The following CLNK variants were observed in gnomAD, a reference collection of about 807,000 sequenced individuals.
The protein encoded by CLNK is cytokine-dependent hematopoietic cell linker.
Under a neutral mutation model 68.6 loss-of-function variants are expected in CLNK, and 74 were observed. The observed-to-expected ratio is 1.08, with a 90% CI of 0.89 to 1.31. CLNK has a LOEUF of 1.31. Ranked by LOEUF, CLNK falls within the 50% of genes most tolerant of loss-of-function variation. The probability of loss-of-function intolerance (pLI) is 0.00; values close to 1 mark genes in which losing one functional copy is unlikely to be tolerated. For synonymous variants in CLNK, 198 were observed against 172.2 expected (o/e 1.15, Z -1.17); for missense variants, 553 against 515.3 (o/e 1.07, Z -0.71).
intron 15 of CLNK, among the ~76,000 whole-genome samples, chr4:10,515,478 T>A (rs1436937257): frequency 6.6e-6 from 1 of 152,084 alleles, no homozygotes; most frequent in Non-Finnish European, 1.5e-5. Context: ...AAAGAATAAC[T>A]TCAAAAAATG....
the CLNK span, among the ~76,000 whole-genome samples, chr4:10,699,252 CGT>C: frequency 1.7e-5 from 1 of 59,952 alleles, no homozygotes; most frequent in Non-Finnish European, 3.6e-5. Context: ...ATACACACCA[CGT>C]ATGTGTGTAT....
Position 10,664,999 on chromosome 4 carries a change from T to C in CLNK, c.11+2860A>G, listed in dbSNP as rs953719425. ...CACAAGAGGAAAGAGTGAAGAAGAG[T>C]TTGGGACTAGGGGAGGAAAAGGATG... On this transcript the variant is annotated intron_variant, in intron 2 of 18. Transcript: ENST00000226951. Among the ~76,000 whole-genome samples, 7 of 151,748 alleles carry C rather than the reference T, an allele frequency of 4.6e-5. No homozygotes were observed. The East Asian group carries it at 1.2e-3, about 25-fold the overall frequency.
chr4:10,683,132 G>A (rs1051822260), intron 1 of CLNK, among the ~76,000 whole-genome samples: 1 of 152,128 alleles, frequency 6.6e-6, no homozygotes, highest in African/African-American at 2.4e-5. Context: ...TTATTAAAAA[G>A]GGGGAGGAAA....
chr4:10,712,984 G>A, the CLNK span, among the ~76,000 whole-genome samples: 1 of 152,116 alleles, frequency 6.6e-6, no homozygotes, highest in Non-Finnish European at 1.5e-5. Context: ...CCCATTCCCT[G>A]GCCCATTGCC....
At chr4:10,717,345 C>T in the CLNK span, among the ~76,000 whole-genome samples, 1 of 152,194 alleles carries the variant, frequency 6.6e-6, no homozygotes, top group African/African-American at 2.4e-5. Context: ...CCTGTAATCC[C>T]AGCACTTTGG....
chr4:10,718,543 G>C, the CLNK span, among the ~76,000 whole-genome samples: 3 of 151,488 alleles, frequency 2.0e-5, no homozygotes, highest in Non-Finnish European at 2.9e-5. Context: ...TTTATATCTA[G>C]TAAAATATCT....
intron 2 of CLNK, among the ~76,000 whole-genome samples, chr4:10,656,109 G>A (rs1045510405): frequency 5.9e-5 from 9 of 151,970 alleles, no homozygotes; most frequent in African/African-American, 2.2e-4. Context: ...GTGATGTTTG[G>A]AATTCAACGT....
At chr4:10,589,185 C>A (rs1311226717) in intron 3 of CLNK, among the ~76,000 whole-genome samples, 2 of 152,154 alleles carry the variant, frequency 1.3e-5, no homozygotes, top group Non-Finnish European at 2.9e-5. Flanking sequence ...TAGACTTAGG[C>A]CGTTAGGCAT....
chr4:10,532,453 C>A (rs1189764111), intron 11 of CLNK, among the ~76,000 whole-genome samples, 170 bp from the exon 12 acceptor site: 3 of 152,076 alleles, frequency 2.0e-5, no homozygotes, highest in Non-Finnish European at 4.4e-5. Context: ...GGTTATTTTT[C>A]TCATAATTTT....
chr4:10,622,772 T>C (rs561111466), intron 2 of CLNK, among the ~76,000 whole-genome samples: 3 of 152,226 alleles, frequency 2.0e-5, no homozygotes, highest in Non-Finnish European at 2.9e-5. Context: ...ACTGGGTGGT[T>C]TGAATAATAA....
chr4:10,674,334 A>C (rs186832756), intron 1 of CLNK, among the ~76,000 whole-genome samples: 2 of 152,268 alleles, frequency 1.3e-5, no homozygotes, highest in Admixed American at 1.3e-4. Context: ...ACAAGAAAAA[A>C]CACCACTGTA....
rs77461212 is a variant in CLNK, at chr4:10,536,744, A to G, written c.602+3750T>C. ...TTACTCTCTTGAGGTGTTTTGGTGA[A>G]GAGATCCAGCACAATTCTCATCACA... On this transcript the variant is annotated intron_variant, in intron 11 of 18. Coordinates refer to ENST00000226951, the MANE Select transcript of CLNK (RefSeq NM_052964.4). 7.7e-3 allele frequency among the ~76,000 whole-genome samples: 1,175 copies of G among 152,294 alleles called. 6 individuals are homozygous for G. The highest frequency in any genetic ancestry group is 0.013 in the Non-Finnish European group (871 of 68,016).
At chr4:10,569,523 C>A (rs112425291) in intron 5 of CLNK, among the ~76,000 whole-genome samples, 3 of 152,154 alleles carry the variant, frequency 2.0e-5, no homozygotes, top group African/African-American at 4.8e-5. Flanking sequence ...AGAAAATAAA[C>A]CTCTGTTGTT....
chr4:10,573,770 C>T (rs370038487), intron 4 of CLNK, among the ~76,000 whole-genome samples: 24 of 152,240 alleles, frequency 1.6e-4, no homozygotes, highest in East Asian at 7.7e-4. Context: ...TCACCAGAGG[C>T]GAGCGTTCCA....
chr4:10,609,403 T>G (rs1036463986), intron 2 of CLNK, among the ~76,000 whole-genome samples: 1 of 152,232 alleles, frequency 6.6e-6, no homozygotes, highest in African/African-American at 2.4e-5. Context: ...CATTCCTGTC[T>G]TCTAGCTTCT....
chr4:10,541,984 T>A, intron 10 of CLNK, 38 bp downstream of exon 10: 2 of 1,457,202 alleles, frequency 1.4e-6, no homozygotes, highest in Non-Finnish European at 1.9e-6. Flanking sequence ...ATTATTTCAT[T>A]GTATAGCGAA....
At chr4:10,602,789 C>A (rs1721638317) in intron 2 of CLNK, among the ~76,000 whole-genome samples, 1 of 152,100 alleles carries the variant, frequency 6.6e-6, no homozygotes, top group South Asian at 2.1e-4. Context: ...ATGCAATAGG[C>A]ACAATGATAA....
At chr4:10,730,021 A>C in the CLNK span, among the ~76,000 whole-genome samples, 1 of 152,248 alleles carries the variant, frequency 6.6e-6, no homozygotes. Flanking sequence ...GTTTATCCAA[A>C]GAAACCAACA....
At chr4:10,583,429 G>A (rs1720859515) in intron 4 of CLNK, among the ~76,000 whole-genome samples, 1 of 152,138 alleles carries the variant, frequency 6.6e-6, no homozygotes, top group Non-Finnish European at 1.5e-5. Flanking sequence ...TGGGACTACA[G>A]GTGCCCACCA....
Sources: allele counts gnomAD v4.1 joint callset (sites outside exome capture counted in the v4.1 genomes callset), GRCh38; gene constraint gnomAD v4.1.1; transcripts MANE v1.5; gene names NCBI Gene and HGNC (gene_info 2026-07-23, HGNC 2026-07-21).